The following FAM193A variants were observed in gnomAD, a reference collection of about 807,000 sequenced individuals.
FAM193A encodes family with sequence similarity 193 member A.
FAM193A carries 22 observed loss-of-function variants against 126.5 expected under a neutral mutation model. The observed-to-expected ratio is 0.17, with a 90% CI of 0.12 to 0.25. The LOEUF is 0.25. Ranked by LOEUF, FAM193A falls within the 10% of genes least tolerant of loss-of-function variation. The pLI is 1.00. For synonymous variants in FAM193A, 761 were observed against 646.8 expected, an observed-to-expected ratio of 1.18 and a Z score of -2.68; for missense variants, 1,675 against 1,672.8, an observed-to-expected ratio of 1.00 and a Z score of -0.02.
At chr4:2,590,140 A>G (rs1174568148) in intron 1 of FAM193A, among the ~76,000 whole-genome samples, 1 of 149,966 alleles carries the variant, frequency 6.7e-6, no homozygotes, top group Non-Finnish European at 1.5e-5. Flanking sequence ...GTCTCAAAAA[A>G]AAAAAAAAAG....
chr4:2,656,031 C>T (rs1382305957), intron 7 of FAM193A, among the ~76,000 whole-genome samples: 1 of 152,116 alleles, frequency 6.6e-6, no homozygotes, highest in East Asian at 1.9e-4. Flanking sequence ...AAGTGATCCT[C>T]CTGCTTTGGC....
At chr4:2,678,983 G>A (rs1024003129) in intron 13 of FAM193A, among the ~76,000 whole-genome samples, 3 of 152,176 alleles carry the variant, frequency 2.0e-5, no homozygotes, top group African/African-American at 7.2e-5. Flanking sequence ...ATGAAAGCAG[G>A]CATCCTTGCC....
chr4:2,541,345 AAAAC>A (rs1379621693), intron 1 of FAM193A, among the ~76,000 whole-genome samples: 33 of 152,210 alleles, frequency 2.2e-4, no homozygotes, highest in African/African-American at 6.8e-4. Context: ...AAAATAACAA[AAAAC>A]AAACAAAATA....
intron 1 of FAM193A, among the ~76,000 whole-genome samples, chr4:2,554,286 C>T (rs991409443): frequency 1.3e-5 from 2 of 151,804 alleles, no homozygotes; most frequent in African/African-American, 2.4e-5. Context: ...GATTTCACCA[C>T]GTTGGCCAGG....
At chr4:2,631,572 A>C (rs569592939) in intron 5 of FAM193A, among the ~76,000 whole-genome samples, 8 of 152,344 alleles carry the variant, frequency 5.3e-5, no homozygotes, top group Admixed American at 3.9e-4. Flanking sequence ...ATGCCCATGA[A>C]GAGCATGAAG....
chr4:2,565,212 A>G lies in FAM193A; in HGVS notation c.255+28042A>G, dbSNP rs150174102. Among the ~76,000 whole-genome samples the G allele has an allele frequency of 3.4e-3, 496 of 143,972 alleles. 3 individuals are homozygous for G. Among genetic ancestry groups the G allele is most frequent in the African/African-American group, 0.012 (480 of 39,094 alleles). 94.5% of individuals were successfully genotyped at this position (143,972 alleles called of 152,430 possible). ...TCTGAAATGATTTCATTAGTAAACA[A>G]GGTTTTGTGGGAAAACTGGATATAC... On this transcript the variant is annotated intron_variant, in intron 1 of 20. Transcript: ENST00000637812.
intron 1 of FAM193A, among the ~76,000 whole-genome samples, chr4:2,543,787 T>TG (rs990979339): frequency 8.5e-6 from 1 of 117,100 alleles, no homozygotes; most frequent in Non-Finnish European, 1.6e-5. Flanking sequence ...GAACCCGGGG[T>TG]GGGGGGTGCA....
Position 2,731,933 on chromosome 4 carries a change from C to A in FAM193A, c.*65C>A. On this transcript the variant is annotated 3_prime_UTR_variant, in exon 21 of 21. Coordinates refer to ENST00000637812, the MANE Select transcript of FAM193A (RefSeq NM_001366318.2). ...AGGCTGCACCACCCCAAGAGCCACG[C>A]CCCTCGCTGGCGCCCCAGAGCCGTG... The A allele has an allele frequency of 1.6e-6, 2 of 1,256,422 alleles. No individual in the cohort carries two copies. The highest frequency in any genetic ancestry group is 2.3e-6 in the Non-Finnish European group (2 of 858,352). The allele number at this position is 1,256,422 out of a possible 1,614,324, so 77.8% of individuals were successfully genotyped here. A position where few individuals can be genotyped will look rare whatever the true frequency, so the allele number is the denominator to read the frequency against.
At chr4:2,728,344 A>G (rs1476073964) in intron 20 of FAM193A, among the ~76,000 whole-genome samples, 2 of 143,464 alleles carry the variant, frequency 1.4e-5, no homozygotes, top group Non-Finnish European at 3.0e-5. Flanking sequence ...TACTAGGATT[A>G]CAAGCATGAA....
chr4:2,590,257 G>A (rs528191000), intron 1 of FAM193A, among the ~76,000 whole-genome samples: 1 of 151,354 alleles, frequency 6.6e-6, no homozygotes, highest in Non-Finnish European at 1.5e-5. Flanking sequence ...AGATCACGAG[G>A]TCAGGAGATC....
chr4:2,696,027 C>G (rs985228506), intron 17 of FAM193A, among the ~76,000 whole-genome samples: 11 of 103,120 alleles, frequency 1.1e-4, no homozygotes, highest in African/African-American at 3.3e-4. Context: ...GACCTTGTCT[C>G]AAAAATAAAT....
chr4:2,732,254 T>C lies in FAM193A; in HGVS notation c.*386T>C, dbSNP rs1577298660. 8.4e-6 allele frequency: 2 copies of C among 239,130 alleles called. No homozygotes were observed. The highest frequency in any genetic ancestry group is 8.4e-6 in the Non-Finnish European group (1 of 118,870). 14.8% of individuals were successfully genotyped at this position (239,130 alleles called of 1,614,324 possible). A position where few individuals can be genotyped will look rare whatever the true frequency, so the allele number is the denominator to read the frequency against. On this transcript the variant is annotated 3_prime_UTR_variant, in exon 21 of 21. Coordinates refer to ENST00000637812, the MANE Select transcript of FAM193A (RefSeq NM_001366318.2). ...ACCGGGGTATCGGCCGTCACTCAGC[T>C]CTCCTGTGCCCCTGCGTCTCACCCT...
At chr4:2,618,484 A>G (rs890082506) in intron 2 of FAM193A, among the ~76,000 whole-genome samples, 4 of 149,430 alleles carry the variant, frequency 2.7e-5, no homozygotes, top group African/African-American at 4.9e-5. Context: ...CTGGAGTGCG[A>G]TGGTGCGATC....
intron 19 of FAM193A, among the ~76,000 whole-genome samples, chr4:2,714,829 C>T (rs1577260578): frequency 1.3e-5 from 2 of 152,280 alleles, no homozygotes; most frequent in East Asian, 1.9e-4. Flanking sequence ...TGGAGACTCA[C>T]CTTTAACAAA....
chr4:2,569,007 T>G (rs1450110499), intron 1 of FAM193A, among the ~76,000 whole-genome samples: 1 of 143,848 alleles, frequency 7.0e-6, no homozygotes, highest in African/African-American at 2.5e-5. Context: ...TCTTGCTCTG[T>G]TGCCCAGGCT....
intron 19 of FAM193A, among the ~76,000 whole-genome samples, chr4:2,706,974 T>C (rs1269964079): frequency 1.3e-5 from 2 of 151,844 alleles, no homozygotes; most frequent in Non-Finnish European, 2.9e-5. Context: ...TAAAAAAAAT[T>C]AGCCAGGTGT....
intron 1 of FAM193A, among the ~76,000 whole-genome samples, chr4:2,570,990 C>A (rs1212399906): frequency 6.6e-6 from 1 of 152,168 alleles, no homozygotes; most frequent in Non-Finnish European, 1.5e-5. Context: ...CTCAGTTTCG[C>A]TTACGGAGTG....
chr4:2,719,914 C>T, intron 20 of FAM193A: 1 of 252,972 alleles, frequency 4.0e-6, no homozygotes, highest in Non-Finnish European at 8.2e-6. Flanking sequence ...CCTCAGCCCT[C>T]CAAGTAGCCG....
intron 1 of FAM193A, among the ~76,000 whole-genome samples, chr4:2,572,308 G>A (rs1407605844): frequency 1.3e-4 from 19 of 144,388 alleles, no homozygotes; most frequent in African/African-American, 2.8e-4. Flanking sequence ...CAGCCTAGGC[G>A]ACAGAGTGAG....
Sources: allele counts gnomAD v4.1 joint callset (sites outside exome capture counted in the v4.1 genomes callset), GRCh38; gene constraint gnomAD v4.1.1; transcripts MANE v1.5; gene names NCBI Gene and HGNC (gene_info 2026-07-23, HGNC 2026-07-21).